Variants in RAB11FIP3 observed in about 807,000 individuals in gnomAD.
RAB11FIP3 encodes the protein rab11 family-interacting protein 3.
RAB11FIP3 carries 17 observed loss-of-function variants against 77.8 expected under a neutral mutation model. The observed-to-expected ratio is 0.22, with a 90% CI of 0.15 to 0.33. The LOEUF (loss-of-function observed/expected upper bound fraction) is 0.33, where lower values mean the gene tolerates loss of function less well. Ranked by LOEUF, RAB11FIP3 falls within the 10% of genes least tolerant of loss-of-function variation. The probability of loss-of-function intolerance (pLI) is 1.00; values close to 1 mark genes in which losing one functional copy is unlikely to be tolerated. For synonymous variants in RAB11FIP3, 437 were observed against 448.2 expected (o/e 0.98, Z 0.31); for missense variants, 1,005 against 1,011.2 (o/e 0.99, Z 0.08).
chr16:477,607 G>GTGGGCCC (rs1318027456), intron 3 of RAB11FIP3: 3 of 985,270 alleles, frequency 3.0e-6, no homozygotes, highest in Admixed American at 6.1e-5. Flanking sequence ...CCTGTCCTGA[G>GTGGGCCC]TGGGCCCTGG....
intron 1 of RAB11FIP3, among the ~76,000 whole-genome samples, chr16:438,088 C>T (rs1340209448): frequency 6.6e-6 from 1 of 151,644 alleles, no homozygotes; most frequent in East Asian, 1.9e-4. Flanking sequence ...GGATTACAGG[C>T]ATCAGCCACT....
chr16:456,193 T>C lies in RAB11FIP3; in HGVS notation c.715-5211T>C, dbSNP rs2055500381. Among the ~76,000 whole-genome samples the C allele has an allele frequency of 2.0e-5, 3 of 151,790 alleles. No individual in the cohort carries two copies. The South Asian group carries it at 6.2e-4, about 32-fold the overall frequency. ...AGGTGGGCTGAGTGGCTCACACCTGTAATTCCAGCACTTTGGGAGGCCAAG... is the reference window on the plus strand; with the variant it reads ...AGGTGGGCTGAGTGGCTCACACCTGCAATTCCAGCACTTTGGGAGGCCAAG... On this transcript the variant is annotated intron_variant, in intron 1 of 13. Transcript: ENST00000262305.
intron 4 of RAB11FIP3, among the ~76,000 whole-genome samples, chr16:485,082 C>G (rs1156839963): frequency 6.6e-6 from 1 of 152,128 alleles, no homozygotes. Context: ...TGCCTGCTCA[C>G]TGCTTGCGGG....
chr16:491,185 T>C, intron 5 of RAB11FIP3: 1 of 1,304,558 alleles, frequency 7.7e-7, no homozygotes, highest in Non-Finnish European at 1.0e-6. Context: ...ATGAGGCGTT[T>C]GAGTTTTACT....
At chr16:489,801 A>G (rs547860515) in intron 5 of RAB11FIP3, among the ~76,000 whole-genome samples, 34 of 122,110 alleles carry the variant, frequency 2.8e-4, no homozygotes, top group African/African-American at 7.7e-4. Flanking sequence ...TCGTCTGCCC[A>G]TAGGGTCCCC....
intron 4 of RAB11FIP3, among the ~76,000 whole-genome samples, chr16:487,524 C>A (rs1016215979): frequency 6.6e-6 from 1 of 152,190 alleles, no homozygotes; most frequent in Admixed American, 6.5e-5. Flanking sequence ...GAACTCCTCA[C>A]GGCTGAGCAC....
chr16:470,506 A>G (rs1423169275), intron 2 of RAB11FIP3, among the ~76,000 whole-genome samples: 2 of 152,250 alleles, frequency 1.3e-5, no homozygotes, highest in South Asian at 4.1e-4. Flanking sequence ...ATGCTATTTT[A>G]TAAGTAGCTG....
chr16:486,615 C>T (rs1029198785), intron 4 of RAB11FIP3, among the ~76,000 whole-genome samples: 5 of 152,242 alleles, frequency 3.3e-5, no homozygotes, highest in African/African-American at 1.2e-4. Flanking sequence ...GCACGTTGGG[C>T]GTCTGGGTGC....
intron 1 of RAB11FIP3, among the ~76,000 whole-genome samples, chr16:440,121 G>A (rs1490705347): frequency 6.6e-6 from 1 of 152,070 alleles, no homozygotes; most frequent in Non-Finnish European, 1.5e-5. Context: ...GGGATTACAG[G>A]CGTGAGCCAC....
chr16:426,347 C>T lies in RAB11FIP3; in HGVS notation c.341C>T (p.Ala114Val), dbSNP rs762772992. ...CCGGGCCCAGGGCCGCGCTCCGAAGCGCCGCTTCCAGAACTCGACCCGTTG... is the reference window on the plus strand; with the variant it reads ...CCGGGCCCAGGGCCGCGCTCCGAAGTGCCGCTTCCAGAACTCGACCCGTTG... ...DAPGPGPRSE[A>V]PLPELDPLFS... Residue 114 changes from alanine (A) to valine (V), a missense_variant, in exon 1 of 14, where the codon GCG (alanine) becomes GTG (valine). This residue lies in a region of RAB11FIP3 where 466 missense variants were observed against 408.3 expected (regional missense o/e 1.14). Coordinates refer to ENST00000262305, the MANE Select transcript of RAB11FIP3 (RefSeq NM_014700.4). The surrounding 1 kb of genome is among the most constrained non-coding windows in gnomAD (Gnocchi z 5.0). The T allele has an allele frequency of 6.0e-6, 9 of 1,510,760 alleles. No homozygotes were observed. Among genetic ancestry groups the T allele is most frequent in the African/African-American group, 1.4e-5 (1 of 69,690 alleles). 93.6% of individuals were successfully genotyped at this position (1,510,760 alleles called of 1,614,324 possible). A position where few individuals can be genotyped will look rare whatever the true frequency, so the allele number is the denominator to read the frequency against.
chr16:497,016 G>A lies in RAB11FIP3; in HGVS notation c.1301+157G>A, dbSNP rs1021498223. The A allele has an allele frequency of 6.3e-6, 5 of 797,562 alleles. No individual in the cohort carries two copies. The African/African-American group carries it at 7.1e-5, about 11-fold the overall frequency. The allele number at this position is 797,562 out of a possible 1,614,324, so 49.4% of individuals were successfully genotyped here. A position where few individuals can be genotyped will look rare whatever the true frequency, so the allele number is the denominator to read the frequency against. ...GGGGCTGAAGGTATCCTGAAGGAGT[G>A]TTGGGAAAGGGGTTTCCAGGGCTGT... On this transcript the variant is annotated intron_variant, in intron 6 of 13. Transcript: ENST00000262305.
intron 1 of RAB11FIP3, among the ~76,000 whole-genome samples, chr16:431,774 T>G (rs2055041273): frequency 6.6e-6 from 1 of 151,702 alleles, no homozygotes; most frequent in South Asian, 2.1e-4. Context: ...TTTTTTTTTT[T>G]GAGATGGAGT....
intron 4 of RAB11FIP3, among the ~76,000 whole-genome samples, chr16:483,691 G>A (rs2056093394): frequency 6.6e-6 from 1 of 152,090 alleles, no homozygotes; most frequent in Non-Finnish European, 1.5e-5. Context: ...GGTGCAGGAG[G>A]GAATTAACTC....
At chr16:460,103 C>G (rs369450320) in intron 1 of RAB11FIP3, among the ~76,000 whole-genome samples, 1 of 152,004 alleles carries the variant, frequency 6.6e-6, no homozygotes, top group African/African-American at 2.4e-5. Context: ...TCTGGAACTC[C>G]CAGCCTCAGG....
At chr16:475,785 C>G (rs2055893420) in intron 3 of RAB11FIP3, among the ~76,000 whole-genome samples, 1 of 152,236 alleles carries the variant, frequency 6.6e-6, no homozygotes, top group African/African-American at 2.4e-5. Context: ...TGGAACTGTT[C>G]ATCTCTGTGG....
intron 9 of RAB11FIP3, among the ~76,000 whole-genome samples, chr16:513,590 G>A (rs1359878973): frequency 5.9e-5 from 9 of 152,200 alleles, no homozygotes; most frequent in African/African-American, 1.7e-4. Context: ...GCCACCTCAC[G>A]TGGCTTTTTT....
At chr16:436,033 A>G (rs1347457192) in intron 1 of RAB11FIP3, among the ~76,000 whole-genome samples, 1 of 152,162 alleles carries the variant, frequency 6.6e-6, no homozygotes, top group Non-Finnish European at 1.5e-5. Context: ...ATCATTGGCC[A>G]GGCACGGTGA....
At chr16:473,155 A>G (rs1220157147) in intron 3 of RAB11FIP3, among the ~76,000 whole-genome samples, 3 of 152,138 alleles carry the variant, frequency 2.0e-5, no homozygotes, top group Non-Finnish European at 4.4e-5. Context: ...ACCTTGAGTG[A>G]CGTTACTCGA....
intron 6 of RAB11FIP3, among the ~76,000 whole-genome samples, chr16:498,716 A>G (rs2031314824): frequency 6.6e-6 from 1 of 151,902 alleles, no homozygotes; most frequent in Admixed American, 6.6e-5. Flanking sequence ...ACAGGCCCAG[A>G]CTGGTCTTGA....
Sources: allele counts gnomAD v4.1 joint callset (sites outside exome capture counted in the v4.1 genomes callset), GRCh38; gene constraint gnomAD v4.1.1; regional missense constraint gnomAD v4.1.1; non-coding constraint Gnocchi (gnomAD v3.1); transcripts MANE v1.5; gene names NCBI Gene and HGNC (gene_info 2026-07-23, HGNC 2026-07-21).